Variants in ZNF660 observed in about 807,000 individuals in gnomAD.
ZNF660 encodes the protein zinc finger protein 660.
ZNF660 carries 24 observed loss-of-function variants against 23.2 expected under a neutral mutation model. That is an observed-to-expected ratio of 1.04 (90% CI 0.75 to 1.46). ZNF660 has a LOEUF of 1.46. Among genes scored for constraint, ZNF660 ranks in the 40% most tolerant of loss-of-function variants. The pLI is 0.00. For missense variants in ZNF660, 373 were observed against 396.8 expected, an observed-to-expected ratio of 0.94 and a Z score of 0.51; for synonymous variants, 117 against 131.4, an observed-to-expected ratio of 0.89 and a Z score of 0.75.
Position 44,589,049 on chromosome 3 carries a change from C to G in ZNF660, c.-181+2836C>G, listed in dbSNP as rs143570190. On this transcript the variant is annotated intron_variant, in intron 2 of 2. Coordinates refer to ENST00000322734, the MANE Select transcript of ZNF660 (RefSeq NM_173658.4). ...GCTAGACTTCATTGTTCTCTGTTCT[C>G]TCATCTTGGATTAGGGTCTTGCTAT... is the stretch of plus-strand genomic sequence containing the variant. Among the ~76,000 whole-genome samples, 366 of 152,292 alleles carry G rather than the reference C, an allele frequency of 2.4e-3. 2 individuals carry two copies. The highest frequency in any genetic ancestry group is 8.5e-3 in the African/African-American group (353 of 41,548).
chr3:44,590,519 G>A (rs971735628), intron 2 of ZNF660, among the ~76,000 whole-genome samples: 18 of 152,210 alleles, frequency 1.2e-4, no homozygotes, highest in East Asian at 5.8e-4. Context: ...TCTCCTTAGA[G>A]GCCCCATCTC....
chr3:44,598,228 A>C lies in ZNF660; in HGVS notation c.*3039A>C, dbSNP rs1412330503. ...TGATCTCAGCTCTCAGCTCACCGCA[A>C]CCTCCAGCTCCCAGGTTCAAGCAAT... On this transcript the variant is annotated 3_prime_UTR_variant, in exon 3 of 3. Coordinates refer to ENST00000322734, the MANE Select transcript of ZNF660 (RefSeq NM_173658.4). 6.8e-6 allele frequency: 1 copy of C among 147,738 alleles called. No individual in the cohort carries two copies. Among genetic ancestry groups the C allele is most frequent in the Non-Finnish European group, 1.5e-5 (1 of 67,320 alleles). 9.2% of individuals were successfully genotyped at this position (147,738 alleles called of 1,614,324 possible). A position where few individuals can be genotyped will look rare whatever the true frequency, so the allele number is the denominator to read the frequency against.
Position 44,594,426 on chromosome 3 carries a change from A to G in ZNF660, c.233A>G (p.Tyr78Cys), listed in dbSNP as rs777160580. 1.9e-5 allele frequency: 31 copies of G among 1,613,936 alleles called. No individual in the cohort carries two copies. The highest frequency in any genetic ancestry group is 1.6e-4 in the Middle Eastern group (1 of 6,084). Residue 78 changes from tyrosine to cysteine, a missense_variant, in exon 3 of 3, where the codon TAT (tyrosine) becomes TGT (cysteine). Physicochemically the swap from Tyr to Cys is radical, Grantham distance 194 (BLOSUM62 -2). Transcript: ENST00000322734. The stretch of plus-strand genomic sequence containing the variant: ...CGAATCCACACGGGAGAGAAACCCT[A>G]TAAGTGTAAGGAGTGTGGAAAAGCT... ...HERIHTGEKPYKCKECGKAFS... is the reference protein window; with the variant it reads ...HERIHTGEKPCKCKECGKAFS...
At position 44,597,780 on chromosome 3, in the gene ZNF660, T is replaced by C. The variant is rs910102499; in HGVS notation, c.*2591T>C. ...CAAGAGTATATCTCAAGGAAGGATATGATGCCATCTCATAACCAGAGAACT... is the reference window on the plus strand; with the variant it reads ...CAAGAGTATATCTCAAGGAAGGATACGATGCCATCTCATAACCAGAGAACT... On this transcript the variant is annotated 3_prime_UTR_variant, in exon 3 of 3. Transcript: ENST00000322734. The surrounding 1 kb of genome is among the most constrained non-coding windows in gnomAD (Gnocchi z 4.1). 3.3e-5 allele frequency: 5 copies of C among 152,242 alleles called. No homozygotes were observed. Among genetic ancestry groups the C allele is most frequent in the African/African-American group, 1.2e-4 (5 of 41,458 alleles). 9.4% of individuals were successfully genotyped at this position (152,242 alleles called of 1,614,324 possible). A position where few individuals can be genotyped will look rare whatever the true frequency, so the allele number is the denominator to read the frequency against.
chr3:44,596,744 C>A lies in ZNF660; in HGVS notation c.*1555C>A, dbSNP rs537819576. The A allele has an allele frequency of 6.6e-6, 1 of 152,332 alleles. No individual in the cohort carries two copies. The highest frequency in any genetic ancestry group is 1.9e-4 in the East Asian group (1 of 5,190). 9.4% of individuals were successfully genotyped at this position (152,332 alleles called of 1,614,324 possible). On this transcript the variant is annotated 3_prime_UTR_variant, in exon 3 of 3. Coordinates refer to ENST00000322734, the MANE Select transcript of ZNF660 (RefSeq NM_173658.4). The stretch of plus-strand genomic sequence containing the variant: ...TTGGGAACTGGAAAAGGAGCTGAGG[C>A]TTTCTCATCTGGTTTCTTCCTTTTG...
Position 44,594,424 on chromosome 3 carries a change from C to T in ZNF660, c.231C>T (p.Pro77=). The part of the protein sequence containing the change: ...VHERIHTGEK[P]YKCKECGKAF... ...AGCGAATCCACACGGGAGAGAAACC[C>T]TATAAGTGTAAGGAGTGTGGAAAAG... Residue 77 remains proline (P), a synonymous_variant, in exon 3 of 3, where the codon CCC becomes CCT. Coordinates refer to ENST00000322734, the MANE Select transcript of ZNF660 (RefSeq NM_173658.4). 6.2e-7 allele frequency: 1 copy of T among 1,613,590 alleles called. No individual in the cohort carries two copies.
rs1040621532 is a variant in ZNF660 at position 44,598,853 on chromosome 3, A to G, written c.*3664A>G. 6.6e-6 allele frequency: 1 copy of G among 152,142 alleles called. No individual in the cohort carries two copies. The highest frequency in any genetic ancestry group is 1.5e-5 in the Non-Finnish European group (1 of 68,082). The allele number at this position is 152,142 out of a possible 1,614,324, so 9.4% of individuals were successfully genotyped here. ...CTTCTCCATCAGAAACTTAGCTCTA[A>G]TCAGTCATGGTTGCATACACACGTA... On this transcript the variant is annotated 3_prime_UTR_variant, in exon 3 of 3. Coordinates refer to ENST00000322734, the MANE Select transcript of ZNF660 (RefSeq NM_173658.4).
chr3:44,594,062 GA>G lies in ZNF660; in HGVS notation c.-127del, dbSNP rs761056000. On this transcript the variant is annotated 5_prime_UTR_variant, in exon 3 of 3. Transcript: ENST00000322734. ...GAGTTAATTCCAAAGCATCATTCCTGAAAAATCAGAATCATACATACTTTCA... is the reference window on the plus strand; with the variant it reads ...GAGTTAATTCCAAAGCATCATTCCTGAAAATCAGAATCATACATACTTTCA... The G allele has an allele frequency of 1.7e-6, 2 of 1,166,944 alleles. No homozygotes were observed. The highest frequency in any genetic ancestry group is 2.5e-6 in the Non-Finnish European group (2 of 793,836). The allele number at this position is 1,166,944 out of a possible 1,614,324, so 72.3% of individuals were successfully genotyped here.
rs1487401350 is a variant in ZNF660 at position 44,597,989 on chromosome 3, C to G, written c.*2800C>G. The G allele has an allele frequency of 2.0e-5, 3 of 152,260 alleles. No homozygotes were observed. Among genetic ancestry groups the G allele is most frequent in the Non-Finnish European group, 4.4e-5 (3 of 68,082 alleles). The allele number at this position is 152,260 out of a possible 1,614,324, so 9.4% of individuals were successfully genotyped here. On this transcript the variant is annotated 3_prime_UTR_variant, in exon 3 of 3. Transcript: ENST00000322734. This position sits in a 1 kb window ranked among gnomAD's most constrained non-coding sequence, Gnocchi z 4.1. Reference sequence around the variant, plus strand: ...TAATTTGAACTGATCACCCACCTTTCTCCGGGAGTCTCCCAGGGTTACCAA... The same window carrying G: ...TAATTTGAACTGATCACCCACCTTTGTCCGGGAGTCTCCCAGGGTTACCAA...
At chr3:44,588,300 A>T (rs920032588) in intron 2 of ZNF660, among the ~76,000 whole-genome samples, 1 of 152,010 alleles carries the variant, frequency 6.6e-6, no homozygotes, top group Non-Finnish European at 1.5e-5. Context: ...AAACAACATG[A>T]TCTCACGAGA....
rs547959103 is a variant in ZNF660 at position 44,593,047 on chromosome 3, C to T, written c.-180-967C>T. On this transcript the variant is annotated intron_variant, in intron 2 of 2. Coordinates refer to ENST00000322734, the MANE Select transcript of ZNF660 (RefSeq NM_173658.4). Reference sequence around the variant, plus strand: ...CAGCCTGGGCGACAGAGTGAGACTCCGTCTCAGAAAAAAAAAAAAAACTGG... The same window carrying T: ...CAGCCTGGGCGACAGAGTGAGACTCTGTCTCAGAAAAAAAAAAAAAACTGG... 1.2e-3 allele frequency among the ~76,000 whole-genome samples: 188 copies of T among 150,530 alleles called. 1 individual carries two copies. The highest frequency in any genetic ancestry group is 1.9e-3 in the Non-Finnish European group (126 of 67,672).
chr3:44,595,523 AT>A lies in ZNF660; in HGVS notation c.*335del, dbSNP rs200556140. ...GACATACAATCCAAAATTTAAAAAA[AT>A]ATTTTTGCATAGGAAAAATTGAGAA... is the stretch of plus-strand genomic sequence containing the variant. On this transcript the variant is annotated 3_prime_UTR_variant, in exon 3 of 3. Transcript: ENST00000322734. The A allele has an allele frequency of 2.6e-3, 497 of 194,852 alleles. No individual in the cohort carries two copies. In the East Asian group the frequency reaches 0.028, roughly 11 times the overall value. The allele number at this position is 194,852 out of a possible 1,614,324, so 12.1% of individuals were successfully genotyped here. A position where few individuals can be genotyped will look rare whatever the true frequency, so the allele number is the denominator to read the frequency against.
rs141679779 is a variant in ZNF660, at chr3:44,594,658, T to A, written c.465T>A (p.Val155=). 6.2e-7 allele frequency: 1 copy of A among 1,613,734 alleles called. No individual in the cohort carries two copies. The highest frequency in any genetic ancestry group is 1.1e-5 in the South Asian group (1 of 91,064). The change falls in exon 3 of 3, where the codon GTT becomes GTA. Residue 155 remains valine (V), a synonymous_variant. Transcript: ENST00000322734. The stretch of plus-strand genomic sequence containing the variant: ...CGGGCCTTATATCACATCACAGAGT[T>A]CACACCGGAGAGAAGCCCTATTCTT... ...RSSGLISHHR[V]HTGEKPYSCI...
rs893336676 is a variant in ZNF660, at chr3:44,595,414, A to G, written c.*225A>G. On this transcript the variant is annotated 3_prime_UTR_variant, in exon 3 of 3. Coordinates refer to ENST00000322734, the MANE Select transcript of ZNF660 (RefSeq NM_173658.4). ...GGTTGAAATGAATGATGAGCTATCC[A>G]TATGATGGTTCTGCAGCCATTGCAA... 9 of 413,268 alleles carry G rather than the reference A, an allele frequency of 2.2e-5. No individual in the cohort carries two copies. Among genetic ancestry groups the G allele is most frequent in the African/African-American group, 8.2e-5 (4 of 48,956 alleles). The allele number at this position is 413,268 out of a possible 1,614,324, so 25.6% of individuals were successfully genotyped here.
chr3:44,589,861 G>T (rs1292381006), intron 2 of ZNF660, among the ~76,000 whole-genome samples: 3 of 151,544 alleles, frequency 2.0e-5, no homozygotes, highest in Admixed American at 2.0e-4. Context: ...GGTAGTGCTA[G>T]GAATACAGGG....
chr3:44,594,626 C>A lies in ZNF660; in HGVS notation c.433C>A (p.Arg145=), dbSNP rs556733362. The change falls in exon 3 of 3, where the codon CGG becomes AGG. Residue 145 remains arginine, a synonymous_variant. Coordinates refer to ENST00000322734, the MANE Select transcript of ZNF660 (RefSeq NM_173658.4). ...TAAAGAGTGTGGGAAAGCCTTTAGT[C>A]GGAGTTCGGGCCTTATATCACATCA... ...ECKECGKAFS[R]SSGLISHHRV... is the part of the protein sequence containing the mutation. 1.2e-6 allele frequency: 2 copies of A among 1,613,512 alleles called. No homozygotes were observed. The highest frequency in any genetic ancestry group is 4.5e-5 in the East Asian group (2 of 44,778).
intron 2 of ZNF660, among the ~76,000 whole-genome samples, chr3:44,592,913 C>T (rs967309179): frequency 6.6e-6 from 1 of 152,068 alleles, no homozygotes; most frequent in Admixed American, 6.5e-5. Context: ...ATTAGCCAGG[C>T]GTGGTGGCGG....
rs770350969 is a variant in ZNF660 at position 44,590,754 on chromosome 3, A to C, written c.-180-3260A>C. 5.3e-5 allele frequency among the ~76,000 whole-genome samples: 8 copies of C among 152,298 alleles called. No individual in the cohort carries two copies. The East Asian group carries it at 1.5e-3, about 29-fold the overall frequency. ...AAAAGAAATTCAGAAAAAACTATCA[A>C]CTTTCTCACAGAACTTTGAAGGTGA... is the stretch of plus-strand genomic sequence containing the variant. On this transcript the variant is annotated intron_variant, in intron 2 of 2. Coordinates refer to ENST00000322734, the MANE Select transcript of ZNF660 (RefSeq NM_173658.4).
Position 44,589,869 on chromosome 3 carries a change from G to A in ZNF660, c.-181+3656G>A, listed in dbSNP as rs969259326. On this transcript the variant is annotated intron_variant, in intron 2 of 2. Transcript: ENST00000322734. ...GGACTGTGGTAGTGCTAGGAATACA[G>A]GGTAAGCAGGACGGACAAAATCCCT... Among the ~76,000 whole-genome samples the A allele has an allele frequency of 2.6e-5, 4 of 151,916 alleles. No individual in the cohort carries two copies. In the East Asian group the frequency reaches 7.7e-4, roughly 29 times the overall value.
Sources: allele counts gnomAD v4.1 joint callset (sites outside exome capture counted in the v4.1 genomes callset), GRCh38; gene constraint gnomAD v4.1.1; non-coding constraint Gnocchi (gnomAD v3.1); transcripts MANE v1.5; gene names NCBI Gene and HGNC (gene_info 2026-07-23, HGNC 2026-07-21).